The following SALL1 variants were observed in gnomAD, a reference collection of about 807,000 sequenced individuals.
The protein encoded by SALL1 is sal-like protein 1.
A neutral mutation model predicts 73.1 loss-of-function variants in SALL1; 10 were observed. That is an observed-to-expected ratio of 0.14 (90% CI 0.08 to 0.23). The LOEUF (loss-of-function observed/expected upper bound fraction) is 0.23, where lower values mean the gene tolerates loss of function less well. Among genes scored for constraint, SALL1 ranks in the 10% least tolerant of loss-of-function variants. SALL1 has a pLI of 1.00. For synonymous variants in SALL1, 688 were observed against 689.8 expected (o/e 1.00, Z 0.04); for missense variants, 1,520 against 1,697.3 (o/e 0.90, Z 1.84).
At chr16:51,150,519 C>T in intron 1 of SALL1, 2 of 985,976 alleles carry the variant, frequency 2.0e-6, no homozygotes, top group Non-Finnish European at 2.4e-6. Flanking sequence ...CACTCTCCAC[C>T]CCGGCCGCAA....
chr16:51,137,306 G>A lies in SALL1; in HGVS notation c.3781C>T (p.Pro1261Ser), dbSNP rs756490958. Reference sequence around the variant, plus strand: ...CTGCCGAGGCTTCCAGGAATTGGAGGGATGCCACCGTTCTGAATGACGGAG... The same window carrying A: ...CTGCCGAGGCTTCCAGGAATTGGAGAGATGCCACCGTTCTGAATGACGGAG... ...EISVIQNGGI[P>S]PIPGSLGSGN... is the part of the protein sequence containing the mutation. Residue 1261 changes from proline to serine, a missense_variant, in exon 3 of 3, where the codon CCT (proline) becomes TCT (serine). Around this residue, in one of 7 missense-constraint regions of SALL1, gnomAD observed 318 missense variants for 357.1 expected, o/e 0.89. Coordinates refer to ENST00000251020, the MANE Select transcript of SALL1 (RefSeq NM_002968.3). 1.2e-5 allele frequency: 20 copies of A among 1,613,988 alleles called. No individual in the cohort carries two copies. Among genetic ancestry groups the A allele is most frequent in the Non-Finnish European group, 3.4e-6 (4 of 1,180,030 alleles).
At chr16:51,138,013 G>C (rs537782630) in intron 2 of SALL1, among the ~76,000 whole-genome samples, 4 of 152,172 alleles carry the variant, frequency 2.6e-5, no homozygotes, top group Non-Finnish European at 4.4e-5. Flanking sequence ...GAGGGCCTGC[G>C]TATGGAGAGA....
chr16:51,150,266 A>G, intron 1 of SALL1: 1 of 317,304 alleles, frequency 3.2e-6, no homozygotes. Context: ...CCCCTGTTTC[A>G]GGGGGGATTC....
In SALL1 at chr16:51,139,299, T is replaced by G; in HGVS notation, c.2923A>C (p.Ser975Arg). ...VNGGALDLTS[S>R]HAEKIIKEDS... ...TCTTTGATGATTTTCTCTGCGTGAC[T>G]AGATGTCAAATCCAAAGCCCCACCA... is the stretch of plus-strand genomic sequence containing the variant. The change falls in exon 2 of 3, where the codon AGT becomes CGT. Residue 975 changes from serine (S) to arginine (R), a missense_variant. Physicochemically the swap from Ser to Arg is moderately radical, Grantham distance 110. Transcript: ENST00000251020. The G allele has an allele frequency of 2.5e-6, 4 of 1,614,164 alleles. No individual in the cohort carries two copies. Among genetic ancestry groups the G allele is most frequent in the Non-Finnish European group, 3.4e-6 (4 of 1,180,032 alleles).
At position 51,136,579 on chromosome 16, in the gene SALL1, CCA is replaced by C. The variant is rs1165610686; in HGVS notation, c.*531_*532del. ...TTAAAAAACCAAACCTTTCAAAGAACCACACTGTTCAGTCTGTACTTTCAGTC... is the reference window on the plus strand; with the variant it reads ...TTAAAAAACCAAACCTTTCAAAGAACCACTGTTCAGTCTGTACTTTCAGTC... On this transcript the variant is annotated 3_prime_UTR_variant, in exon 3 of 3. Transcript: ENST00000251020. 2 of 153,494 alleles carry C rather than the reference CCA, an allele frequency of 1.3e-5. No individual in the cohort carries two copies. The highest frequency in any genetic ancestry group is 2.4e-5 in the African/African-American group (1 of 41,428). 9.5% of individuals were successfully genotyped at this position (153,494 alleles called of 1,614,324 possible).
At chr16:51,147,033 A>G (rs924515346) in intron 1 of SALL1, among the ~76,000 whole-genome samples, 9 of 152,282 alleles carry the variant, frequency 5.9e-5, no homozygotes, top group African/African-American at 2.2e-4. Context: ...CAGTCTGCCT[A>G]TTTCTGCCCC....
Position 51,137,635 on chromosome 16 carries a change from T to G in SALL1, c.3535-83A>C, listed in dbSNP as rs1962338684. 6 of 1,076,666 alleles carry G rather than the reference T, an allele frequency of 5.6e-6. No homozygotes were observed. In the Admixed American group the frequency reaches 1.1e-4, roughly 21 times the overall value. 66.7% of individuals were successfully genotyped at this position (1,076,666 alleles called of 1,614,324 possible). A position where few individuals can be genotyped will look rare whatever the true frequency, so the allele number is the denominator to read the frequency against. ...GGGGGAGAGAAGCTTAATAGCTGAATCTGTCTCAACTCATATCCCAAATGT... is the reference window on the plus strand; with the variant it reads ...GGGGGAGAGAAGCTTAATAGCTGAAGCTGTCTCAACTCATATCCCAAATGT... On this transcript the variant is annotated intron_variant, in intron 2 of 2. Coordinates refer to ENST00000251020, the MANE Select transcript of SALL1 (RefSeq NM_002968.3).
rs753233349 is a variant in SALL1, at chr16:51,151,216, G to A, written c.26C>T (p.Pro9Leu). 1 of 1,601,882 alleles carries A rather than the reference G, an allele frequency of 6.2e-7. No individual in the cohort carries two copies. The highest frequency in any genetic ancestry group is 8.5e-7 in the Non-Finnish European group (1 of 1,175,444). Residue 9 changes from proline to leucine, a missense_variant, in exon 1 of 3, where the codon CCT (proline) becomes CTT (leucine). Physicochemically the swap from Pro to Leu is moderately conservative, Grantham distance 98 (BLOSUM62 -3). Coordinates refer to ENST00000251020, the MANE Select transcript of SALL1 (RefSeq NM_002968.3). ...TTCGGGGTCGGATTGGAAATGTTGA[G>A]GCTTCGCTTGCTTCCTCCGCGACAT... MSRRKQAK[P>L]QHFQSDPEVA...
At chr16:51,150,394 G>C (rs1336612500) in intron 1 of SALL1, 5 of 985,360 alleles carry the variant, frequency 5.1e-6, no homozygotes, top group South Asian at 9.4e-5. Flanking sequence ...AAAGATTTTG[G>C]GGGGCAGAGG....
At position 51,139,102 on chromosome 16, in the gene SALL1, T is replaced by C. The variant is rs146655918; in HGVS notation, c.3120A>G (p.Thr1040=). ...ACATGTGCTGCTTCAAATTACCCTT[T>C]GTGGAAAAGCCACGATTGCAAACTG... is the stretch of plus-strand genomic sequence containing the variant. ...ICTVCNRGFS[T]KGNLKQHMLT... is the part of the protein sequence containing the mutation. The change falls in exon 2 of 3, where the codon ACA becomes ACG. Residue 1040 remains threonine (T), a synonymous_variant. Transcript: ENST00000251020. 5.6e-4 allele frequency: 906 copies of C among 1,614,246 alleles called. No homozygotes were observed. Among genetic ancestry groups the C allele is most frequent in the Non-Finnish European group, 7.0e-4 (831 of 1,180,048 alleles).
chr16:51,150,721 G>T, intron 1 of SALL1: 1 of 457,732 alleles, frequency 2.2e-6, no homozygotes, highest in Non-Finnish European at 2.9e-6. Context: ...CTGGCAGCAA[G>T]GCCGGGCGGC....
At position 51,141,674 on chromosome 16, in the gene SALL1, G is replaced by A. The variant is rs1417997778; in HGVS notation, c.548C>T (p.Thr183Ile). Residue 183 changes from threonine to isoleucine, a missense_variant, in exon 2 of 3, where the codon ACA (threonine) becomes ATA (isoleucine). By Grantham distance (89) the Thr-to-Ile change is moderately conservative. Transcript: ENST00000251020. The surrounding 1 kb of genome is among the most constrained non-coding windows in gnomAD (Gnocchi z 5.4). ...TTSLPQLGDL[T>I]TLGNFSVINS... ...GATTACGGAGAAGTTGCCCAGTGTT[G>A]TCAGGTCCCCGAGTTGAGGTAGAGA... 1.9e-6 allele frequency: 3 copies of A among 1,613,614 alleles called. No homozygotes were observed. Among genetic ancestry groups the A allele is most frequent in the Admixed American group, 1.7e-5 (1 of 60,012 alleles).
rs747574283 is a variant in SALL1 at position 51,141,752 on chromosome 16, C to G, written c.470G>C (p.Ser157Thr). The G allele has an allele frequency of 1.3e-6, 2 of 1,599,136 alleles. No homozygotes were observed. Among genetic ancestry groups the G allele is most frequent in the East Asian group, 4.5e-5 (2 of 44,854 alleles). Residue 157 changes from serine to threonine, a missense_variant, in exon 2 of 3, where the codon AGC (serine) becomes ACC (threonine). Ser to Thr is a moderately conservative substitution (Grantham distance 58). Coordinates refer to ENST00000251020, the MANE Select transcript of SALL1 (RefSeq NM_002968.3). This position sits in a 1 kb window ranked among gnomAD's most constrained non-coding sequence, Gnocchi z 5.4. ...TAPSSSSSSS[S>T]SSGGGGSSST... is the part of the protein sequence containing the mutation. ...GGAGCTGCCGCCGCCGCCGCTGCTG[C>G]TGCTGCTGCTGCTGCTGCTGCTTGG... is the stretch of plus-strand genomic sequence containing the variant.
Position 51,140,678 on chromosome 16 carries a change from T to G in SALL1, c.1544A>C (p.Glu515Ala). Reference sequence around the variant, plus strand: ...ACTCGTGGGGATATTGTCCAAATGCTCAGGCACAGGATAGGGGTTCATCTG... The same window carrying G: ...ACTCGTGGGGATATTGTCCAAATGCGCAGGCACAGGATAGGGGTTCATCTG... ...HIQMNPYPVPEHLDNIPTSTG... is the reference protein window; with the variant it reads ...HIQMNPYPVPAHLDNIPTSTG... Residue 515 changes from glutamate (E) to alanine (A), a missense_variant, in exon 2 of 3, where the codon GAG becomes GCG. Transcript: ENST00000251020. The surrounding 1 kb of genome is among the most constrained non-coding windows in gnomAD (Gnocchi z 5.7). 6.2e-7 allele frequency: 1 copy of G among 1,614,158 alleles called. No individual in the cohort carries two copies. The highest frequency in any genetic ancestry group is 8.5e-7 in the Non-Finnish European group (1 of 1,180,008).
rs1430096866 is a variant in SALL1 at position 51,141,953 on chromosome 16, G to A, written c.269C>T (p.Pro90Leu). 8 of 1,613,946 alleles carry A rather than the reference G, an allele frequency of 5.0e-6. No individual in the cohort carries two copies. The highest frequency in any genetic ancestry group is 6.8e-6 in the Non-Finnish European group (8 of 1,179,968). The change falls in exon 2 of 3, where the codon CCT (proline) becomes CTT (leucine). Residue 90 changes from proline (P) to leucine (L), a missense_variant. Pro to Leu is a moderately conservative substitution (Grantham distance 98). This residue lies in a region of SALL1 where 540 missense variants were observed against 567.5 expected (regional missense o/e 0.95). Transcript: ENST00000251020. The surrounding 1 kb of genome is among the most constrained non-coding windows in gnomAD (Gnocchi z 5.4). The stretch of plus-strand genomic sequence containing the variant: ...CATTTGTTCATCAGGATTATCAGGA[G>A]GGGGGCTGGGGGAGAAGGTTTCGGG... The part of the protein sequence containing the change: ...SPPETFSPSP[P>L]PDNPDEQMND...
rs1358895516 is a variant in SALL1, at chr16:51,141,718, A to G, written c.504T>C (p.Gly168=). The change falls in exon 2 of 3, where the codon GGT becomes GGC. Residue 168 remains glycine, a synonymous_variant. Transcript: ENST00000251020. This position sits in a 1 kb window ranked among gnomAD's most constrained non-coding sequence, Gnocchi z 5.4. ...GTAGAGAGGTTGTGATCGCTGAGGT[A>G]CCTGTGGAGGAGCTGCCGCCGCCGC... The part of the protein sequence containing the change: ...SSGGGGSSST[G]TSAITTSLPQ... 6.2e-7 allele frequency: 1 copy of G among 1,613,018 alleles called. No individual in the cohort carries two copies. The highest frequency in any genetic ancestry group is 8.5e-7 in the Non-Finnish European group (1 of 1,179,892).
intron 1 of SALL1, among the ~76,000 whole-genome samples, chr16:51,144,152 A>G (rs566364577): frequency 6.6e-6 from 1 of 152,296 alleles, no homozygotes; most frequent in African/African-American, 2.4e-5. Context: ...TTGACAATCA[A>G]TTTTAAATGA....
chr16:51,150,571 T>C (rs1962582835), intron 1 of SALL1: 4 of 985,892 alleles, frequency 4.1e-6, no homozygotes, highest in African/African-American at 1.7e-5. Context: ...CCAGTCCCCA[T>C]CTTCTTGCAG....
At position 51,142,032 on chromosome 16, in the gene SALL1, T is replaced by C. The variant is rs760817850; in HGVS notation, c.190A>G (p.Asn64Asp). ...ELSDLLLHKKNCTKNQLVLIV... is the reference protein window; with the variant it reads ...ELSDLLLHKKDCTKNQLVLIV... ...AAAACTAATTGATTTTTAGTACAGT[T>C]CTTCTTGTGGAGCAGAAGATCTGAT... is the stretch of plus-strand genomic sequence containing the variant. Residue 64 changes from asparagine (N) to aspartate (D), a missense_variant, in exon 2 of 3, where the codon AAC becomes GAC. Physicochemically the swap from Asn to Asp is conservative, Grantham distance 23. Coordinates refer to ENST00000251020, the MANE Select transcript of SALL1 (RefSeq NM_002968.3). The C allele has an allele frequency of 5.6e-6, 9 of 1,613,950 alleles. No homozygotes were observed. Among genetic ancestry groups the C allele is most frequent in the Non-Finnish European group, 6.8e-6 (8 of 1,180,024 alleles).
Sources: allele counts gnomAD v4.1 joint callset (sites outside exome capture counted in the v4.1 genomes callset), GRCh38; gene constraint gnomAD v4.1.1; regional missense constraint gnomAD v4.1.1; non-coding constraint Gnocchi (gnomAD v3.1); transcripts MANE v1.5; gene names NCBI Gene and HGNC (gene_info 2026-07-23, HGNC 2026-07-21).